The following CDH2 variants were observed in gnomAD, a reference collection of about 807,000 sequenced individuals.
CDH2 encodes the protein cadherin-2.
Under a neutral mutation model 92.0 loss-of-function variants are expected in CDH2, and 17 were observed. The observed-to-expected ratio is 0.18, with a 90% CI of 0.13 to 0.28. The LOEUF (loss-of-function observed/expected upper bound fraction) is 0.28, where lower values mean the gene tolerates loss of function less well. Ranked by LOEUF, CDH2 falls within the 10% of genes least tolerant of loss-of-function variation. The pLI is 1.00. For synonymous variants in CDH2, 419 were observed against 415.9 expected, an observed-to-expected ratio of 1.01 and a Z score of -0.09; for missense variants, 862 against 1,133.1, an observed-to-expected ratio of 0.76 and a Z score of 3.44.
chr18:27,961,929 C>CCTGT (rs147490470), intron 15 of CDH2, among the ~76,000 whole-genome samples: 3,754 of 151,860 alleles, frequency 0.025, 78 homozygotes, highest in Non-Finnish European at 0.041. Flanking sequence ...CTGGTGAGAC[C>CCTGT]CTGTCTCTAC....
intron 2 of CDH2, among the ~76,000 whole-genome samples, chr18:28,016,218 T>C (rs1488066394): frequency 6.6e-6 from 1 of 152,124 alleles, no homozygotes; most frequent in Non-Finnish European, 1.5e-5. Context: ...AATAATTTCA[T>C]ATGAGTGGAT....
rs552428143 is a variant in CDH2, at chr18:27,983,507, T to C, written c.2210-424A>G. Among the ~76,000 whole-genome samples, 5 of 152,224 alleles carry C rather than the reference T, an allele frequency of 3.3e-5. No homozygotes were observed. The South Asian group carries it at 1.0e-3, about 32-fold the overall frequency. ...TTCGGTTGGTCAGTCATCATTACAC[T>C]CCGAAATTCACAGAAGAAAACACTT... is the stretch of plus-strand genomic sequence containing the variant. On this transcript the variant is annotated intron_variant, in intron 13 of 15. Coordinates refer to ENST00000269141, the MANE Select transcript of CDH2 (RefSeq NM_001792.5).
intron 14 of CDH2, among the ~76,000 whole-genome samples, chr18:27,967,659 G>A (rs920982064): frequency 1.3e-5 from 2 of 152,144 alleles, no homozygotes; most frequent in African/African-American, 4.8e-5. Context: ...TTTAATGTTT[G>A]GAATATGTGT....
chr18:28,159,662 T>G (rs1275791560), intron 1 of CDH2, among the ~76,000 whole-genome samples: 1 of 151,526 alleles, frequency 6.6e-6, no homozygotes, highest in Non-Finnish European at 1.5e-5. Context: ...TTTTTTGTTT[T>G]TTTTTTTTTT....
At chr18:27,984,681 G>A (rs1246772977) in intron 13 of CDH2, among the ~76,000 whole-genome samples, 1 of 152,154 alleles carries the variant, frequency 6.6e-6, no homozygotes, top group Non-Finnish European at 1.5e-5. Flanking sequence ...TAAGAAAAGT[G>A]CTCAAACTTG....
chr18:27,962,894 C>T (rs185921114), intron 15 of CDH2, among the ~76,000 whole-genome samples: 4 of 152,224 alleles, frequency 2.6e-5, no homozygotes, highest in African/African-American at 9.6e-5. Flanking sequence ...TTTAGCTCTT[C>T]CAACTAATCT....
intron 6 of CDH2, among the ~76,000 whole-genome samples, chr18:27,934,189 T>C (rs1305366319): frequency 1.3e-5 from 2 of 152,192 alleles, no homozygotes; most frequent in African/African-American, 2.4e-5. Flanking sequence ...CACATGCATA[T>C]GGTCATTCTA....
At chr18:28,056,842 T>C (rs1037759609) in intron 2 of CDH2, among the ~76,000 whole-genome samples, 1 of 152,200 alleles carries the variant, frequency 6.6e-6, no homozygotes, top group Non-Finnish European at 1.5e-5. Flanking sequence ...TTAAGTTATA[T>C]GGGAAGCACT....
chr18:28,003,111 C>T lies in CDH2; in HGVS notation c.906G>A (p.Gly302=), dbSNP rs1345941740. ...GAGACACGATTCTGTACCTCAACAT[C>T]CCATTGAGGGCATTGGGATCGTCAG... is the stretch of plus-strand genomic sequence containing the variant. ...IDADDPNALN[G]MLRYRIVSQA... Residue 302 remains glycine (G), a synonymous_variant, in exon 7 of 16, where the codon GGG becomes GGA. Coordinates refer to ENST00000269141, the MANE Select transcript of CDH2 (RefSeq NM_001792.5). 2 of 1,613,188 alleles carry T rather than the reference C, an allele frequency of 1.2e-6. No individual in the cohort carries two copies. The highest frequency in any genetic ancestry group is 4.5e-5 in the East Asian group (2 of 44,864).
At chr18:27,945,095 GCATCATCTTTTT>G (rs1280208754) in intron 6 of CDH2, among the ~76,000 whole-genome samples, 1 of 152,020 alleles carries the variant, frequency 6.6e-6, no homozygotes, top group Non-Finnish European at 1.5e-5. Context: ...AGCTGCTGTA[GCATCATCTTTTT>G]CCACCCACCC....
intron 2 of CDH2, among the ~76,000 whole-genome samples, chr18:28,076,318 G>T (rs770712317): frequency 2.0e-5 from 3 of 151,790 alleles, no homozygotes; most frequent in Admixed American, 2.0e-4. Context: ...TTCTTATCCC[G>T]GCCTTACTAT....
intron 14 of CDH2, among the ~76,000 whole-genome samples, chr18:27,973,337 C>T (rs1055620917): frequency 1.3e-5 from 2 of 152,130 alleles, no homozygotes; most frequent in Non-Finnish European, 2.9e-5. Context: ...TATTATAATT[C>T]CCTTTATCAT....
chr18:28,085,911 C>A (rs527570206), intron 2 of CDH2, among the ~76,000 whole-genome samples: 2 of 152,070 alleles, frequency 1.3e-5, no homozygotes, highest in African/African-American at 4.8e-5. Flanking sequence ...CACATGATAA[C>A]GCCACAGGAC....
intron 2 of CDH2, among the ~76,000 whole-genome samples, chr18:28,057,947 T>A (rs1045922086): frequency 6.6e-6 from 1 of 152,178 alleles, no homozygotes; most frequent in East Asian, 1.9e-4. Context: ...AATATTGGTT[T>A]GGTGATTGTT....
chr18:28,042,122 A>G (rs1599056593), intron 2 of CDH2, among the ~76,000 whole-genome samples: 1 of 152,192 alleles, frequency 6.6e-6, no homozygotes, highest in East Asian at 1.9e-4. Context: ...TATTTTTTCT[A>G]TTTTACTAGT....
intron 15 of CDH2, among the ~76,000 whole-genome samples, chr18:27,953,530 T>C (rs1330878622): frequency 6.6e-6 from 1 of 152,174 alleles, no homozygotes; most frequent in East Asian, 1.9e-4. Context: ...AGTCCTACCC[T>C]TGAGAGATCA....
chr18:28,079,639 C>T (rs918116279), intron 2 of CDH2, among the ~76,000 whole-genome samples: 4 of 152,154 alleles, frequency 2.6e-5, no homozygotes, highest in African/African-American at 9.7e-5. Context: ...GGTAAAGATT[C>T]TCAATTCCAG....
chr18:27,944,753 C>CT (rs756545961), intron 6 of CDH2, among the ~76,000 whole-genome samples: 9,897 of 69,716 alleles, frequency 0.14, 426 homozygotes, highest in Middle Eastern at 0.21. Context: ...GACTTCCTTT[C>CT]TAAAAAAAAA....
intron 2 of CDH2, among the ~76,000 whole-genome samples, chr18:28,075,960 G>C (rs1488188884): frequency 2.0e-5 from 3 of 152,038 alleles, no homozygotes; most frequent in Non-Finnish European, 4.4e-5. Flanking sequence ...TGAACACAGT[G>C]GTCAATTCCA....
Sources: gnomAD v4.1 joint callset for allele counts (sites outside exome capture counted in the v4.1 genomes callset) on GRCh38, gnomAD v4.1.1 for gene constraint, MANE v1.5 for transcripts, NCBI Gene and HGNC (gene_info 2026-07-23, HGNC 2026-07-21) for gene names.